The following SVEP1 variants were observed in gnomAD, a reference collection of about 807,000 sequenced individuals.
SVEP1 encodes sushi, von Willebrand factor type A, EGF and pentraxin domain-containing protein 1.
A neutral mutation model predicts 367.3 loss-of-function variants in SVEP1; 164 were observed. The observed-to-expected ratio is 0.45, with a 90% confidence interval of 0.39 to 0.51. The LOEUF is 0.51. SVEP1 is among the 20% of genes least tolerant of loss of function. SVEP1 has a pLI of 0.00. For missense variants in SVEP1, 4,117 were observed against 4,425.3 expected (o/e 0.93, Z 1.98); for synonymous variants, 1,666 against 1,611.6 (o/e 1.03, Z -0.81).
Position 110,406,367 on chromosome 9 carries a change from G to A in SVEP1, c.9233C>T (p.Thr3078Ile), listed in dbSNP as rs1827954431. The A allele has an allele frequency of 6.2e-7, 1 of 1,613,930 alleles. No homozygotes were observed. Among genetic ancestry groups the A allele is most frequent in the Admixed American group, 1.7e-5 (1 of 60,014 alleles). Residue 3078 changes from threonine (T) to isoleucine (I), a missense_variant, in exon 38 of 48, where the codon ACC becomes ATC. This residue lies in a region of SVEP1 where 1,765 missense variants were observed against 1,781.1 expected (regional missense o/e 0.99). Transcript: ENST00000374469. ...TATCACATTTTCCTTCCAAGAGCTG[G>A]TCTCACTGATGAACGCATTTGGTAT... is the stretch of plus-strand genomic sequence containing the variant. ...PMIPNAFISE[T>I]SSWKENVITY...
intron 18 of SVEP1, among the ~76,000 whole-genome samples, chr9:110,459,909 GTTT>G (rs1239982272): frequency 6.6e-6 from 1 of 151,890 alleles, no homozygotes; most frequent in African/African-American, 2.4e-5. Flanking sequence ...TTTTATGGAG[GTTT>G]TTTATGATTA....
At chr9:110,451,612 T>C (rs1828694555) in intron 22 of SVEP1, among the ~76,000 whole-genome samples, 1 of 152,204 alleles carries the variant, frequency 6.6e-6, no homozygotes, top group Non-Finnish European at 1.5e-5. Context: ...CAGCATGCAA[T>C]GGAAAATGAT....
At chr9:110,471,930 A>T (rs180934956) in intron 15 of SVEP1, among the ~76,000 whole-genome samples, 13 of 152,270 alleles carry the variant, frequency 8.5e-5, no homozygotes, top group African/African-American at 2.9e-4. Flanking sequence ...GCGCACCTTA[A>T]TCATGCCAAG....
At chr9:110,462,993 C>A (rs920096741) in intron 18 of SVEP1, among the ~76,000 whole-genome samples, 6 of 152,054 alleles carry the variant, frequency 3.9e-5, no homozygotes, top group African/African-American at 9.7e-5. Context: ...AGAAGGGCAA[C>A]TATGTGAGAT....
At chr9:110,385,805 C>G in intron 43 of SVEP1, 93 bp downstream of exon 43, 2 of 1,365,046 alleles carry the variant, frequency 1.5e-6, no homozygotes, top group Non-Finnish European at 2.0e-6. Flanking sequence ...ATCTAAGTAT[C>G]TACAACTAAG....
chr9:110,558,089 CA>C (rs1206177882), intron 1 of SVEP1, among the ~76,000 whole-genome samples: 1 of 152,084 alleles, frequency 6.6e-6, no homozygotes, highest in African/African-American at 2.4e-5. Context: ...GATATATCCT[CA>C]TCCCAGGATG....
chr9:110,426,267 C>T (rs1828251542), intron 36 of SVEP1, among the ~76,000 whole-genome samples: 1 of 152,168 alleles, frequency 6.6e-6, no homozygotes, highest in African/African-American at 2.4e-5. Flanking sequence ...TGCTGGCAGT[C>T]ATGTATTAGT....
At chr9:110,484,984 T>C (rs1829254467) in intron 9 of SVEP1, among the ~76,000 whole-genome samples, 1 of 152,212 alleles carries the variant, frequency 6.6e-6, no homozygotes, top group African/African-American at 2.4e-5. Context: ...ACACTGTTGG[T>C]GGGAATGTAA....
chr9:110,478,027 C>T (rs541910067), intron 13 of SVEP1, among the ~76,000 whole-genome samples: 1 of 152,256 alleles, frequency 6.6e-6, no homozygotes, highest in South Asian at 2.1e-4. Flanking sequence ...TCTTTTTGAC[C>T]ATCTATCACT....
chr9:110,489,632 C>T lies in SVEP1; in HGVS notation c.1930+18G>A. On this transcript the variant is annotated intron_variant, in intron 9 of 47. Coordinates refer to ENST00000374469, the MANE Select transcript of SVEP1 (RefSeq NM_153366.4). Reference sequence around the variant, plus strand: ...AGATGACGTTTGGATGGGGAAACAACCAAACTATATCACTTACCAATAACC... The same window carrying T: ...AGATGACGTTTGGATGGGGAAACAATCAAACTATATCACTTACCAATAACC... 1 of 1,603,908 alleles carries T rather than the reference C, an allele frequency of 6.2e-7. No individual in the cohort carries two copies. Among genetic ancestry groups the T allele is most frequent in the Non-Finnish European group, 8.5e-7 (1 of 1,174,630 alleles).
At position 110,411,373 on chromosome 9, in the gene SVEP1, A is replaced by G. The variant is rs1467698216; in HGVS notation, c.6338T>C (p.Met2113Thr). 4 of 1,614,048 alleles carry G rather than the reference A, an allele frequency of 2.5e-6. No homozygotes were observed. The East Asian group carries it at 8.9e-5, about 36-fold the overall frequency. ...AAGSVVSFKC[M>T]EGFVLNTSAK... is the part of the protein sequence containing the mutation. ...TGAGGTGTTCAGTACAAAGCCTTCCATGCATTTAAAGCTCACAACTGAGCC... is the reference window on the plus strand; with the variant it reads ...TGAGGTGTTCAGTACAAAGCCTTCCGTGCATTTAAAGCTCACAACTGAGCC... The change falls in exon 37 of 48, where the codon ATG (methionine) becomes ACG (threonine). Residue 2113 changes from methionine to threonine, a missense_variant. Met to Thr is a moderately conservative substitution (Grantham distance 81, BLOSUM62 -1). Coordinates refer to ENST00000374469, the MANE Select transcript of SVEP1 (RefSeq NM_153366.4).
At position 110,458,211 on chromosome 9, in the gene SVEP1, G is replaced by C. The variant is rs972294695; in HGVS notation, c.3576+260C>G. Reference sequence around the variant, plus strand: ...GTAAGTGCTTATAGTGAATCAAAAGGCTCCCCCTGGATCTACTCATTCTTA... The same window carrying C: ...GTAAGTGCTTATAGTGAATCAAAAGCCTCCCCCTGGATCTACTCATTCTTA... On this transcript the variant is annotated intron_variant, in intron 20 of 47. Transcript: ENST00000374469. 6.9e-6 allele frequency: 4 copies of C among 583,704 alleles called. No individual in the cohort carries two copies. The African/African-American group carries it at 7.6e-5, about 11-fold the overall frequency. 36.2% of individuals were successfully genotyped at this position (583,704 alleles called of 1,614,324 possible). A position where few individuals can be genotyped will look rare whatever the true frequency, so the allele number is the denominator to read the frequency against.
intron 5 of SVEP1, among the ~76,000 whole-genome samples, chr9:110,511,692 TG>T (rs1365921263): frequency 6.6e-6 from 1 of 152,066 alleles, no homozygotes; most frequent in African/African-American, 2.4e-5. Flanking sequence ...CCTTGTCTTT[TG>T]GGGATACCAT....
At chr9:110,563,335 G>A (rs770456619) in intron 1 of SVEP1, among the ~76,000 whole-genome samples, 12 of 151,978 alleles carry the variant, frequency 7.9e-5, no homozygotes, top group Non-Finnish European at 1.0e-4. Context: ...AAGAGTGAGA[G>A]ACAAAAACTG....
chr9:110,529,633 A>G (rs963014392), intron 3 of SVEP1, among the ~76,000 whole-genome samples: 36 of 152,040 alleles, frequency 2.4e-4, no homozygotes, highest in African/African-American at 8.2e-4. Flanking sequence ...CTATTGTAAA[A>G]GAGATTGAGT....
At chr9:110,368,465 T>TA (rs947019788) in intron 47 of SVEP1, among the ~76,000 whole-genome samples, 16 of 152,186 alleles carry the variant, frequency 1.1e-4, no homozygotes, top group African/African-American at 3.6e-4. Flanking sequence ...AACTTTTGCG[T>TA]AAAAAATCTA....
In SVEP1 at chr9:110,427,743, G is replaced by A. The variant is rs1447584872; in HGVS notation, c.5823C>T (p.Ser1941=). ...TGCCAGAAGCCGTGCATTCAATAAT[G>A]GAAGGGCCCTGTAAGCTGCGGGAAA... The part of the protein sequence containing the change: ...CDTGYSLQGP[S]IIECTASGIW... Residue 1941 remains serine, a synonymous_variant, in exon 36 of 48, where the codon TCC becomes TCT. Transcript: ENST00000374469. The A allele has an allele frequency of 6.2e-7, 1 of 1,612,426 alleles. No homozygotes were observed. Among genetic ancestry groups the A allele is most frequent in the African/African-American group, 1.3e-5 (1 of 74,856 alleles).
At chr9:110,540,164 T>C (rs1830126432) in intron 3 of SVEP1, among the ~76,000 whole-genome samples, 1 of 152,056 alleles carries the variant, frequency 6.6e-6, no homozygotes. Context: ...TCATTATCAT[T>C]ATCATCATCA....
intron 5 of SVEP1, among the ~76,000 whole-genome samples, chr9:110,508,222 T>G (rs1456064410): frequency 6.6e-6 from 1 of 152,206 alleles, no homozygotes; most frequent in Non-Finnish European, 1.5e-5. Flanking sequence ...CTTAGACTTT[T>G]AAGAGAAAAG....
Sources: gnomAD v4.1 joint callset for allele counts (sites outside exome capture counted in the v4.1 genomes callset) on GRCh38, gnomAD v4.1.1 for gene constraint, gnomAD v4.1.1 regional missense constraint, MANE v1.5 for transcripts, NCBI Gene and HGNC (gene_info 2026-07-23, HGNC 2026-07-21) for gene names.